IFT74: variants seen among roughly 807,000 people sequenced by gnomAD.
IFT74 encodes intraflagellar transport 74.
A neutral mutation model predicts 96.7 loss-of-function variants in IFT74; 92 were observed. That is an observed-to-expected ratio of 0.95 (90% CI 0.80 to 1.13). IFT74 has a LOEUF of 1.13. Among genes scored for constraint, IFT74 ranks in the 50% most tolerant of loss-of-function variants. The probability of loss-of-function intolerance (pLI) is 0.00; values close to 1 mark genes in which losing one functional copy is unlikely to be tolerated. For missense variants in IFT74, 811 were observed against 698.2 expected (o/e 1.16, Z -1.82); for synonymous variants, 223 against 213.2 (o/e 1.05, Z -0.40).
intron 1 of IFT74, among the ~76,000 whole-genome samples, chr9:26,951,319 G>T (rs1825923618): frequency 6.6e-6 from 1 of 152,214 alleles, no homozygotes. Context: ...GCAAACTAAA[G>T]AAAGGAATTG....
At chr9:27,044,386 C>T (rs943676198) in intron 13 of IFT74, among the ~76,000 whole-genome samples, 2 of 152,118 alleles carry the variant, frequency 1.3e-5, no homozygotes, top group Non-Finnish European at 2.9e-5. Context: ...AGTATAAACT[C>T]TGTGAGTGAA....
At chr9:26,973,268 G>T (rs1045528521) in intron 2 of IFT74, among the ~76,000 whole-genome samples, 1 of 152,174 alleles carries the variant, frequency 6.6e-6, no homozygotes, top group Non-Finnish European at 1.5e-5. Flanking sequence ...CTGAAGTCTT[G>T]TACTAATCAG....
chr9:27,063,541 A>C lies in IFT74; in HGVS notation c.*805A>C, dbSNP rs1332513681. On this transcript the variant is annotated 3_prime_UTR_variant, in exon 20 of 20. Coordinates refer to ENST00000380062, the MANE Select transcript of IFT74 (RefSeq NM_025103.4). ...ATTGGGAGAGAGGCATAGAGTCTGG[A>C]AGACATTATATTAACTGTAGATGTA... 6.6e-6 allele frequency among the ~76,000 whole-genome samples: 1 copy of C among 152,062 alleles called. No individual in the cohort carries two copies. Among genetic ancestry groups the C allele is most frequent in the Non-Finnish European group, 1.5e-5 (1 of 67,946 alleles).
intron 12 of IFT74, among the ~76,000 whole-genome samples, chr9:27,025,644 T>TATAA (rs1465740152): frequency 3.3e-5 from 5 of 152,200 alleles, no homozygotes. Flanking sequence ...GCAGATTTCT[T>TATAA]AGCAGAAACC....
chr9:26,966,471 T>G (rs1185443634), intron 2 of IFT74, among the ~76,000 whole-genome samples: 1 of 152,178 alleles, frequency 6.6e-6, no homozygotes, highest in Non-Finnish European at 1.5e-5. Context: ...TTTGTATATC[T>G]TCTTTTGAGA....
At chr9:27,040,983 G>A (rs1355950599) in intron 13 of IFT74, among the ~76,000 whole-genome samples, 1 of 152,172 alleles carries the variant, frequency 6.6e-6, no homozygotes. Context: ...ACTATTGGCA[G>A]TGCAAGAAGA....
chr9:26,988,448 C>T (rs1462809230), intron 6 of IFT74, among the ~76,000 whole-genome samples: 1 of 152,082 alleles, frequency 6.6e-6, no homozygotes, highest in African/African-American at 2.4e-5. Context: ...GCTCATTTAT[C>T]CATGTTAAAA....
rs774934348 is a variant in IFT74, at chr9:26,998,101, TA to T, written c.587+7911del. On this transcript the variant is annotated intron_variant, in intron 8 of 19. Transcript: ENST00000380062. ...TCTCAATCAAATAGAGCTCTGTGAG[TA>T]AAAAGTATGTCTGTAGAACTCTTGT... is the stretch of plus-strand genomic sequence containing the variant. 1.2e-5 allele frequency: 20 copies of T among 1,613,314 alleles called. No homozygotes were observed. In the African/African-American group the frequency reaches 2.5e-4, roughly 20 times the overall value.
chr9:27,046,945 C>T lies in IFT74; in HGVS notation c.1109-329C>T, dbSNP rs12344880. 8.0e-3 allele frequency among the ~76,000 whole-genome samples: 1,212 copies of T among 152,176 alleles called. 16 individuals carry two copies. The highest frequency in any genetic ancestry group is 0.027 in the African/African-American group (1,141 of 41,524). ...ATCCCAGCACTTTGGGAGGCCGAGGCGGGTGGATCACGTGGTTAAGAGATC... is the reference window on the plus strand; with the variant it reads ...ATCCCAGCACTTTGGGAGGCCGAGGTGGGTGGATCACGTGGTTAAGAGATC... On this transcript the variant is annotated intron_variant, in intron 14 of 19. Coordinates refer to ENST00000380062, the MANE Select transcript of IFT74 (RefSeq NM_025103.4).
intron 1 of IFT74, chr9:26,947,249 C>A: frequency 1.7e-6 from 1 of 571,604 alleles, no homozygotes; most frequent in South Asian, 2.3e-5. Flanking sequence ...GCCTGACAGG[C>A]ACTCCGGAAT....
intron 8 of IFT74, among the ~76,000 whole-genome samples, chr9:27,004,612 A>G (rs890424136): frequency 1.3e-5 from 2 of 152,244 alleles, no homozygotes; most frequent in Admixed American, 1.3e-4. Context: ...GAAATTATCC[A>G]TCAGTCAGTT....
chr9:26,998,057 T>C, intron 8 of IFT74: 1 of 1,613,530 alleles, frequency 6.2e-7, no homozygotes, highest in Non-Finnish European at 8.5e-7. Flanking sequence ...ACCGTTATTA[T>C]GTAAGATAGT....
upstream of IFT74, among the ~76,000 whole-genome samples, chr9:26,951,785 G>C (rs1399767292): frequency 6.6e-6 from 1 of 152,128 alleles, no homozygotes; most frequent in Non-Finnish European, 1.5e-5. Flanking sequence ...TGTAGTCCCA[G>C]CTACTCGGGA....
chr9:27,065,265 C>G lies in IFT74; in HGVS notation c.*2529C>G, dbSNP rs948299812. Among the ~76,000 whole-genome samples, 4 of 152,178 alleles carry G rather than the reference C, an allele frequency of 2.6e-5. No individual in the cohort carries two copies. Among genetic ancestry groups the G allele is most frequent in the Admixed American group, 6.5e-5 (1 of 15,278 alleles). ...CTGAGGGAAATTCTCACTAATGTCTCTCTTCCTTCCTCTGAGAGCCTTTCC... is the reference window on the plus strand; with the variant it reads ...CTGAGGGAAATTCTCACTAATGTCTGTCTTCCTTCCTCTGAGAGCCTTTCC... On this transcript the variant is annotated 3_prime_UTR_variant, in exon 20 of 20. Transcript: ENST00000380062.
chr9:26,995,833 T>C, intron 8 of IFT74: 1 of 1,603,228 alleles, frequency 6.2e-7, no homozygotes, highest in Middle Eastern at 1.7e-4. Flanking sequence ...CCCAACTTTT[T>C]CCAAGAGGTT....
chr9:27,037,926 A>G (rs1187611130), intron 13 of IFT74, among the ~76,000 whole-genome samples: 1 of 152,224 alleles, frequency 6.6e-6, no homozygotes, highest in African/African-American at 2.4e-5. Context: ...TCTCTACTTC[A>G]CTAATGACAA....
intron 7 of IFT74, among the ~76,000 whole-genome samples, chr9:26,989,919 T>C (rs1827793427): frequency 6.6e-6 from 1 of 152,166 alleles, no homozygotes; most frequent in South Asian, 2.1e-4. Flanking sequence ...TGAATATTTT[T>C]GGTATAAGAT....
intron 2 of IFT74, among the ~76,000 whole-genome samples, chr9:26,969,146 C>G (rs1168500510): frequency 2.6e-5 from 4 of 151,840 alleles, no homozygotes; most frequent in African/African-American, 9.7e-5. Context: ...AAAAAATTTC[C>G]TTTTTAATCT....
intron 12 of IFT74, among the ~76,000 whole-genome samples, chr9:27,028,532 T>C (rs977456706): frequency 6.6e-6 from 1 of 151,984 alleles, no homozygotes; most frequent in Non-Finnish European, 1.5e-5. Flanking sequence ...CTGAGGCAGG[T>C]GGATCTCGAG....
Sources: allele counts gnomAD v4.1 joint callset (sites outside exome capture counted in the v4.1 genomes callset), GRCh38; gene constraint gnomAD v4.1.1; transcripts MANE v1.5; gene names NCBI Gene and HGNC (gene_info 2026-07-23, HGNC 2026-07-21).